Variants in ELK3 observed in about 807,000 individuals in gnomAD.
ELK3 encodes ETS transcription factor ELK3.
Under a neutral mutation model 28.9 loss-of-function variants are expected in ELK3, and 10 were observed. The ratio of observed to expected loss-of-function variants is 0.35; its 90% CI spans 0.21 to 0.59. The LOEUF (loss-of-function observed/expected upper bound fraction) is 0.59. Ranked by LOEUF, ELK3 falls within the 20% of genes least tolerant of loss-of-function variation. The pLI is 0.82. For missense variants in ELK3, 463 were observed against 517.3 expected, an observed-to-expected ratio of 0.90 and a Z score of 1.02; for synonymous variants, 272 against 243.5, an observed-to-expected ratio of 1.12 and a Z score of -1.09.
intron 1 of ELK3, among the ~76,000 whole-genome samples, chr12:96,219,546 A>G (rs1375564743): frequency 6.6e-6 from 1 of 152,182 alleles, no homozygotes; most frequent in Non-Finnish European, 1.5e-5. Flanking sequence ...AACTACGTCG[A>G]GTGGAACGAA....
chr12:96,224,049 A>T (rs1194014331), intron 2 of ELK3: 15 of 416,766 alleles, frequency 3.6e-5, no homozygotes, highest in Non-Finnish European at 2.2e-5. Flanking sequence ...AGATGCAGGC[A>T]GGCTCTGGGG....
Position 96,268,614 on chromosome 12 carries a change from T to TAAC in ELK3, c.*1435_*1437dup, listed in dbSNP as rs1342756525. 7.2e-5 allele frequency: 11 copies of TAAC among 152,182 alleles called. No homozygotes were observed. The highest frequency in any genetic ancestry group is 2.7e-4 in the African/African-American group (11 of 41,438). 9.4% of individuals were successfully genotyped at this position (152,182 alleles called of 1,614,324 possible). A position where few individuals can be genotyped will look rare whatever the true frequency, so the allele number is the denominator to read the frequency against. ...TAAATTCAAGATTAATTACAATCCTTAACTATAAGTGATGATAAAAACTAA... is the reference window on the plus strand; with the variant it reads ...TAAATTCAAGATTAATTACAATCCTTAACAACTATAAGTGATGATAAAAACTAA... On this transcript the variant is annotated 3_prime_UTR_variant, in exon 5 of 5. Coordinates refer to ENST00000228741, the MANE Select transcript of ELK3 (RefSeq NM_005230.4).
chr12:96,246,457 C>T (rs1480345646), intron 2 of ELK3, among the ~76,000 whole-genome samples: 1 of 152,148 alleles, frequency 6.6e-6, no homozygotes, highest in Non-Finnish European at 1.5e-5. Context: ...GAGTTTGAGA[C>T]CAGCCTGAGC....
At chr12:96,263,864 C>T (rs778114377) in intron 4 of ELK3, among the ~76,000 whole-genome samples, 2 of 152,154 alleles carry the variant, frequency 1.3e-5, no homozygotes, top group African/African-American at 2.4e-5. Context: ...TAAATGTTTA[C>T]GCTTTTTAAG....
chr12:96,204,941 AT>A (rs1466067522), intron 1 of ELK3, among the ~76,000 whole-genome samples: 1 of 152,252 alleles, frequency 6.6e-6, no homozygotes, highest in Non-Finnish European at 1.5e-5. Context: ...TGATTCACAG[AT>A]GAAAGGGCTA....
At chr12:96,199,605 T>A (rs1951495769) in intron 1 of ELK3, among the ~76,000 whole-genome samples, 1 of 152,048 alleles carries the variant, frequency 6.6e-6, no homozygotes, top group African/African-American at 2.4e-5. Flanking sequence ...CTCCCCATGG[T>A]TCCTGCCTGA....
At chr12:96,197,605 C>G (rs1447146769) in intron 1 of ELK3, among the ~76,000 whole-genome samples, 1 of 151,938 alleles carries the variant, frequency 6.6e-6, no homozygotes, top group East Asian at 1.9e-4. Context: ...GATGGTGTAC[C>G]CTTTATGTCC....
intron 1 of ELK3, among the ~76,000 whole-genome samples, chr12:96,216,606 G>A (rs936909460): frequency 1.6e-4 from 25 of 152,180 alleles, no homozygotes; most frequent in African/African-American, 5.5e-4. Context: ...TTCTAGCCTG[G>A]TGAAGGCCAT....
intron 1 of ELK3, among the ~76,000 whole-genome samples, chr12:96,196,077 AAG>A (rs1404565114): frequency 1.3e-5 from 2 of 152,236 alleles, no homozygotes; most frequent in Non-Finnish European, 2.9e-5. Context: ...CTGCTGCAGG[AAG>A]AGAGAGCCCC....
chr12:96,199,147 AG>A (rs1378867496), intron 1 of ELK3, among the ~76,000 whole-genome samples: 7 of 152,214 alleles, frequency 4.6e-5, no homozygotes, highest in African/African-American at 1.7e-4. Context: ...ATGTAGTAAC[AG>A]GAAGTACAGG....
At chr12:96,254,606 C>T (rs1489958928) in intron 3 of ELK3, among the ~76,000 whole-genome samples, 3 of 151,872 alleles carry the variant, frequency 2.0e-5, no homozygotes, top group East Asian at 1.9e-4. Context: ...GAACTGAGTG[C>T]CCATCATGTG....
chr12:96,245,704 A>G (rs772987502), intron 2 of ELK3, among the ~76,000 whole-genome samples: 6 of 152,178 alleles, frequency 3.9e-5, no homozygotes, highest in South Asian at 2.1e-4. Flanking sequence ...GGACGCCAAG[A>G]TGCATCCACA....
intron 3 of ELK3, among the ~76,000 whole-genome samples, chr12:96,251,938 C>G (rs752389027): frequency 6.6e-6 from 1 of 152,236 alleles, no homozygotes; most frequent in Non-Finnish European, 1.5e-5. Context: ...AAGGTGGCTA[C>G]GTCAAACAGC....
intron 1 of ELK3, among the ~76,000 whole-genome samples, chr12:96,222,413 T>G (rs1951668901): frequency 6.6e-6 from 1 of 152,178 alleles, no homozygotes; most frequent in Admixed American, 6.5e-5. Flanking sequence ...ATATAGGTTT[T>G]TGTCTCTTCA....
rs538663638 is a variant in ELK3, at chr12:96,221,586, G to A, written c.-2-1979G>A. 2.0e-5 allele frequency among the ~76,000 whole-genome samples: 3 copies of A among 152,318 alleles called. No homozygotes were observed. In the South Asian group the frequency reaches 6.2e-4, roughly 32 times the overall value. ...TTGGCCAAGAAAATCTCAAGAATTT[G>A]CGACAACTGTTAGCCGTTCTTAGTG... On this transcript the variant is annotated intron_variant, in intron 1 of 4. Coordinates refer to ENST00000228741, the MANE Select transcript of ELK3 (RefSeq NM_005230.4).
intron 2 of ELK3, among the ~76,000 whole-genome samples, chr12:96,226,809 G>A (rs1370223085): frequency 6.6e-6 from 1 of 152,084 alleles, no homozygotes; most frequent in Non-Finnish European, 1.5e-5. Flanking sequence ...AAGAAAAGAA[G>A]GAGAGGGGGA....
At chr12:96,254,929 T>C (rs1951936427) in intron 3 of ELK3, among the ~76,000 whole-genome samples, 1 of 151,816 alleles carries the variant, frequency 6.6e-6, no homozygotes, top group Non-Finnish European at 1.5e-5. Context: ...ATACGTGAAA[T>C]AGCTTTGTGA....
rs1450089846 is a variant in ELK3, at chr12:96,244,729, C to G, written c.208-2211C>G. Among the ~76,000 whole-genome samples the G allele has an allele frequency of 7.2e-5, 11 of 152,240 alleles. No homozygotes were observed. In the East Asian group the frequency reaches 1.9e-3, roughly 27 times the overall value. On this transcript the variant is annotated intron_variant, in intron 2 of 4. Transcript: ENST00000228741. ...TTTTAGCGAAGGAAGCATTAACACA[C>G]CAGGCCAGCACACTTTCTTTTTAAT... is the stretch of plus-strand genomic sequence containing the variant.
chr12:96,194,758 G>A (rs905477786), intron 1 of ELK3, 53 bp downstream of exon 1: 1 of 147,514 alleles, frequency 6.8e-6, no homozygotes, highest in African/African-American at 2.5e-5. Context: ...GTTTGTTTGG[G>A]GGTGTTTTCT....
Sources: allele counts gnomAD v4.1 joint callset (sites outside exome capture counted in the v4.1 genomes callset), GRCh38; gene constraint gnomAD v4.1.1; transcripts MANE v1.5; gene names NCBI Gene and HGNC (gene_info 2026-07-23, HGNC 2026-07-21).